Variants in RBFOX1 observed in about 807,000 individuals in gnomAD.
RBFOX1 encodes RNA binding protein fox-1 homolog 1.
RBFOX1 carries 8 observed loss-of-function variants against 57.7 expected under a neutral mutation model. The observed-to-expected ratio is 0.14, with a 90% confidence interval of 0.08 to 0.25. The LOEUF (loss-of-function observed/expected upper bound fraction) is 0.25. Among genes scored for constraint, RBFOX1 ranks in the 10% least tolerant of loss-of-function variants. RBFOX1 has a pLI of 1.00. For missense variants in RBFOX1, 611 were observed against 548.5 expected, an observed-to-expected ratio of 1.11 and a Z score of -1.14; for synonymous variants, 326 against 222.4, an observed-to-expected ratio of 1.47 and a Z score of -4.15.
chr16:5,743,130 T>A (rs548698164), intron 3 of RBFOX1, among the ~76,000 whole-genome samples: 2 of 152,280 alleles, frequency 1.3e-5, no homozygotes, highest in African/African-American at 4.8e-5. Context: ...TGTATTGTGA[T>A]TGGAAAGAAC....
intron 14 of RBFOX1, among the ~76,000 whole-genome samples, chr16:7,701,448 C>T (rs529765435): frequency 6.6e-6 from 1 of 152,160 alleles, no homozygotes; most frequent in East Asian, 1.9e-4. Context: ...GCATGTGAGG[C>T]ATCTAGGTTG....
At chr16:5,763,136 C>G (rs907348070) in intron 3 of RBFOX1, among the ~76,000 whole-genome samples, 10 of 152,302 alleles carry the variant, frequency 6.6e-5, no homozygotes, top group East Asian at 1.9e-4. Flanking sequence ...GCGCCCAACA[C>G]AAGAATGTGG....
rs28489689 is a variant in RBFOX1, at chr16:7,588,536, G to T, written c.468+1236G>T. Among the ~76,000 whole-genome samples the T allele has an allele frequency of 4.6e-3, 701 of 152,306 alleles. 5 individuals carry two copies. The highest frequency in any genetic ancestry group is 0.016 in the African/African-American group (663 of 41,564). ...GCTCTGACGGGTCTCCTGGCTGCCA[G>T]TCCCCAGGCTATTAGGAATTTTAAG... On this transcript the variant is annotated intron_variant, in intron 7 of 15. Transcript: ENST00000550418.
intron 4 of RBFOX1, among the ~76,000 whole-genome samples, chr16:5,976,066 C>G (rs913283495): frequency 6.6e-6 from 1 of 152,086 alleles, no homozygotes; most frequent in African/African-American, 2.4e-5. Context: ...ATTGCTTGAA[C>G]CTGGGAGGCG....
intron 2 of RBFOX1, among the ~76,000 whole-genome samples, chr16:5,562,951 G>GTAT (rs1183386497): frequency 6.6e-6 from 1 of 152,040 alleles, no homozygotes; most frequent in Non-Finnish European, 1.5e-5. Flanking sequence ...AAATAGGGCT[G>GTAT]TATTATTATT....
chr16:5,899,550 C>T (rs950734356), intron 4 of RBFOX1, among the ~76,000 whole-genome samples: 1 of 152,154 alleles, frequency 6.6e-6, no homozygotes, highest in Non-Finnish European at 1.5e-5. Flanking sequence ...ACGGGTTTCA[C>T]AGAGCAAACT....
chr16:5,702,336 T>C (rs1348799006), intron 3 of RBFOX1, among the ~76,000 whole-genome samples: 1 of 152,114 alleles, frequency 6.6e-6, no homozygotes, highest in African/African-American at 2.4e-5. Context: ...TCAGATCTCG[T>C]GAGAACTCAC....
At chr16:6,400,247 C>G (rs868631886) in intron 2 of RBFOX1, among the ~76,000 whole-genome samples, 5 of 152,110 alleles carry the variant, frequency 3.3e-5, no homozygotes, top group Admixed American at 6.5e-5. Flanking sequence ...ATATTGTTAA[C>G]TATGTTTTCT....
rs536560221 is a variant in RBFOX1, at chr16:5,735,888, A to AAAC, written c.319-131394_319-131392dup. Among the ~76,000 whole-genome samples, 123 of 152,056 alleles carry AAAC rather than the reference A, an allele frequency of 8.1e-4. 1 individual carries two copies. Among genetic ancestry groups the AAAC allele is most frequent in the South Asian group, 1.5e-3 (7 of 4,800 alleles). On this transcript the variant is annotated intron_variant, in intron 3 of 19. Transcript: ENST00000641259. ...AAGACTCTGTCTCAAAAAACAAATA[A>AAAC]AACAACAACAACAACAACAACAAAA...
intron 3 of RBFOX1, among the ~76,000 whole-genome samples, chr16:6,822,904 C>T (rs8057722): frequency 0.023 from 3,564 of 152,288 alleles, 154 homozygotes; most frequent in African/African-American, 0.082. Context: ...TTAATATTAA[C>T]AAGTGCGTGC....
At chr16:7,226,738 A>T (rs972914682) in intron 4 of RBFOX1, among the ~76,000 whole-genome samples, 1 of 152,224 alleles carries the variant, frequency 6.6e-6, no homozygotes, top group Non-Finnish European at 1.5e-5. Context: ...ACAGTTAATC[A>T]AGAGGACTGG....
intron 4 of RBFOX1, among the ~76,000 whole-genome samples, chr16:6,002,866 C>A (rs927315840): frequency 6.6e-6 from 1 of 152,104 alleles, no homozygotes; most frequent in Non-Finnish European, 1.5e-5. Flanking sequence ...TGTTAAATAT[C>A]CTCTGTGGTA....
Position 6,997,252 on chromosome 16 carries a change from C to G in RBFOX1, c.-15-54805C>G, listed in dbSNP as rs534497457. ...CCCTTTGAAGACTAGAGTGATTTGA[C>G]TCAACTTCTCCTTCTAGTAAAAAAA... On this transcript the variant is annotated intron_variant, in intron 3 of 15. Transcript: ENST00000550418. Among the ~76,000 whole-genome samples the G allele has an allele frequency of 4.6e-5, 7 of 152,078 alleles. No homozygotes were observed. In the South Asian group the frequency reaches 1.2e-3, roughly 27 times the overall value.
At chr16:7,401,068 C>G (rs1270839325) in intron 4 of RBFOX1, among the ~76,000 whole-genome samples, 1 of 152,192 alleles carries the variant, frequency 6.6e-6, no homozygotes, top group Non-Finnish European at 1.5e-5. Flanking sequence ...ATCCAAAATA[C>G]AGTCCCAAGA....
intron 2 of RBFOX1, among the ~76,000 whole-genome samples, chr16:6,561,632 G>C (rs1599880945): frequency 6.6e-6 from 1 of 152,294 alleles, no homozygotes; most frequent in East Asian, 1.9e-4. Flanking sequence ...TGCAGAATCT[G>C]TTCCTGCTAT....
At chr16:5,873,336 C>G (rs143076219) in intron 4 of RBFOX1, among the ~76,000 whole-genome samples, 1 of 152,164 alleles carries the variant, frequency 6.6e-6, no homozygotes, top group Admixed American at 6.5e-5. Flanking sequence ...GTTAATGGCC[C>G]TCTTGTCTCC....
chr16:5,972,153 C>G (rs1322058629), intron 4 of RBFOX1, among the ~76,000 whole-genome samples: 4 of 152,182 alleles, frequency 2.6e-5, no homozygotes, highest in Non-Finnish European at 4.4e-5. Context: ...TTCTTGGTCT[C>G]CATAATTGTG....
chr16:7,033,073 G>A (rs555195166), intron 3 of RBFOX1, among the ~76,000 whole-genome samples: 1 of 152,188 alleles, frequency 6.6e-6, no homozygotes, highest in African/African-American at 2.4e-5. Context: ...AGGCAAGAAA[G>A]GAATGCCAAC....
chr16:5,385,237 A>C (rs1395695536), intron 1 of RBFOX1, among the ~76,000 whole-genome samples: 2 of 152,212 alleles, frequency 1.3e-5, no homozygotes, highest in Non-Finnish European at 2.9e-5. Flanking sequence ...CAGGATTAAA[A>C]GCTAGAAGCG....
Sources: allele counts gnomAD v4.1 joint callset (sites outside exome capture counted in the v4.1 genomes callset), GRCh38; gene constraint gnomAD v4.1.1; transcripts MANE v1.5; gene names NCBI Gene and HGNC (gene_info 2026-07-23, HGNC 2026-07-21).